Variants in MYO7B observed in about 807,000 individuals in gnomAD.
MYO7B encodes myosin VIIB.
In MYO7B, 212 loss-of-function variants were observed where a neutral mutation model predicts 259.7. That is an observed-to-expected ratio of 0.82 (90% confidence interval 0.73 to 0.91). The LOEUF (loss-of-function observed/expected upper bound fraction) is 0.91. Among genes scored for constraint, MYO7B ranks in the 40% least tolerant of loss-of-function variants. The pLI is 0.00. For synonymous variants in MYO7B, 1,197 were observed against 1,166.4 expected, an observed-to-expected ratio of 1.03 and a Z score of -0.54; for missense variants, 2,732 against 2,813.5, an observed-to-expected ratio of 0.97 and a Z score of 0.66.
In MYO7B at chr2:127,584,768, G is replaced by A; in HGVS notation, c.1555-10G>A. 1 of 1,613,644 alleles carries A rather than the reference G, an allele frequency of 6.2e-7. No individual in the cohort carries two copies. Among genetic ancestry groups the A allele is most frequent in the Non-Finnish European group, 8.5e-7 (1 of 1,179,708 alleles). On this transcript the variant is annotated splice_polypyrimidine_tract_variant and intron_variant, in intron 13 of 47. Transcript: ENST00000409816. This position sits in a 1 kb window ranked among gnomAD's most constrained non-coding sequence, Gnocchi z 5.8. Reference sequence around the variant, plus strand: ...GGACCTCAGCCCACAGGGTGTCTGGGTTCTTCCAGGGGACAGATCTCACCA... The same window carrying A: ...GGACCTCAGCCCACAGGGTGTCTGGATTCTTCCAGGGGACAGATCTCACCA...
At chr2:127,568,853 G>A (rs1295299570) in intron 5 of MYO7B, among the ~76,000 whole-genome samples, 2 of 150,796 alleles carry the variant, frequency 1.3e-5, no homozygotes, top group Non-Finnish European at 2.9e-5. Context: ...AGCTGAGATC[G>A]TGCCATTGCA....
In MYO7B at chr2:127,584,256, G is replaced by C. The variant is rs753106341; in HGVS notation, c.1478G>C (p.Arg493Pro). The change falls in exon 13 of 48, where the codon CGG becomes CCG. Residue 493 changes from arginine to proline, a missense_variant. This residue lies in a region of MYO7B where 1,906 missense variants were observed against 2,026.4 expected (regional missense o/e 0.94). Transcript: ENST00000409816. The surrounding 1 kb of genome is among the most constrained non-coding windows in gnomAD (Gnocchi z 5.8). The stretch of plus-strand genomic sequence containing the variant: ...GACTATATCCACTACACCGACAATC[G>C]GCCCACCCTGGACCTGCTGGCCCTC... ...SWDYIHYTDN[R>P]PTLDLLALKP... 2 of 1,613,954 alleles carry C rather than the reference G, an allele frequency of 1.2e-6. No individual in the cohort carries two copies. The highest frequency in any genetic ancestry group is 2.2e-5 in the South Asian group (2 of 91,076).
At chr2:127,537,226 C>T (rs919083092) in intron 1 of MYO7B, among the ~76,000 whole-genome samples, 11 of 152,148 alleles carry the variant, frequency 7.2e-5, no homozygotes, top group African/African-American at 2.7e-4. Flanking sequence ...AAGGATAGAG[C>T]TGAGGGAACT....
intron 11 of MYO7B, 136 bp from the exon 12 acceptor site, chr2:127,582,168 G>A: frequency 6.8e-7 from 1 of 1,462,440 alleles, no homozygotes; most frequent in Non-Finnish European, 9.2e-7. Context: ...AGCCTCTTGG[G>A]CCCTGGTTTC....
rs1301995893 is a variant in MYO7B at position 127,539,043 on chromosome 2, T to C, written c.-24+3212T>C. On this transcript the variant is annotated intron_variant, in intron 1 of 47. Transcript: ENST00000409816. The surrounding 1 kb of genome is among the most constrained non-coding windows in gnomAD (Gnocchi z 4.0). ...TCAGCACAGTGTCTGTCTGAGCTCC[T>C]ACTCTGTTCTGGGGGCTGGGGGCAG... 6.6e-6 allele frequency among the ~76,000 whole-genome samples: 1 copy of C among 152,210 alleles called. No individual in the cohort carries two copies. Among genetic ancestry groups the C allele is most frequent in the Non-Finnish European group, 1.5e-5 (1 of 68,036 alleles).
Position 127,630,885 on chromosome 2 carries a change from G to C in MYO7B, c.4914G>C (p.Glu1638Asp). The C allele has an allele frequency of 6.3e-7, 1 of 1,597,358 alleles. No homozygotes were observed. The highest frequency in any genetic ancestry group is 8.5e-7 in the Non-Finnish European group (1 of 1,172,066). ...CCAAGGAAAAGCTGCACACCCTGGA[G>C]GAGTTCTCCTATGAGTTCTTCAGGT... ...EPPKEKLHTLEEFSYEFFRAP... is the reference protein window; with the variant it reads ...EPPKEKLHTLDEFSYEFFRAP... The change falls in exon 36 of 48, where the codon GAG becomes GAC. Residue 1638 changes from glutamate to aspartate, a missense_variant. Transcript: ENST00000409816.
At position 127,609,374 on chromosome 2, in the gene MYO7B, G is replaced by T; in HGVS notation, c.2815-132G>T. ...CTGAGCCCACTGAATGTGGGGATGGGTGGTCTCCAGCACCTGAGGGATCAG... is the reference window on the plus strand; with the variant it reads ...CTGAGCCCACTGAATGTGGGGATGGTTGGTCTCCAGCACCTGAGGGATCAG... On this transcript the variant is annotated intron_variant, in intron 22 of 47. Transcript: ENST00000409816. This position sits in a 1 kb window ranked among gnomAD's most constrained non-coding sequence, Gnocchi z 6.9. 6.3e-6 allele frequency: 5 copies of T among 790,614 alleles called. No individual in the cohort carries two copies. The South Asian group carries it at 8.6e-5, about 14-fold the overall frequency. The allele number at this position is 790,614 out of a possible 1,614,324, so 49.0% of individuals were successfully genotyped here.
intron 5 of MYO7B, among the ~76,000 whole-genome samples, chr2:127,567,726 C>A (rs189430019): frequency 6.6e-6 from 1 of 152,194 alleles, no homozygotes; most frequent in Non-Finnish European, 1.5e-5. Flanking sequence ...CAACTGAGTG[C>A]CCCCAACTGT....
intron 31 of MYO7B, 158 bp from the exon 32 acceptor site, chr2:127,626,817 G>A: frequency 3.1e-6 from 2 of 648,224 alleles, no homozygotes; most frequent in Non-Finnish European, 2.7e-6. Flanking sequence ...ACCAGTCCCT[G>A]GGGACGTCCC....
At chr2:127,567,784 C>T (rs1678418735) in intron 5 of MYO7B, among the ~76,000 whole-genome samples, 1 of 152,190 alleles carries the variant, frequency 6.6e-6, no homozygotes, top group Admixed American at 6.5e-5. Flanking sequence ...GAATCCCTTC[C>T]TCAGGGAGCT....
intron 28 of MYO7B, 142 bp downstream of exon 28, chr2:127,622,243 G>C (rs1680874774): frequency 8.2e-7 from 1 of 1,215,362 alleles, no homozygotes. Flanking sequence ...TACCTCCCAT[G>C]CCAGTGGTCC....
At chr2:127,543,911 A>AT (rs1338031710) in intron 1 of MYO7B, among the ~76,000 whole-genome samples, 2 of 151,650 alleles carry the variant, frequency 1.3e-5, no homozygotes, top group Admixed American at 6.6e-5. Context: ...CACCCGGCTC[A>AT]TTTTTTTGTA....
At position 127,612,581 on chromosome 2, in the gene MYO7B, G is replaced by A. The variant is rs534630323; in HGVS notation, c.3376G>A (p.Ala1126Thr). Residue 1126 changes from alanine to threonine, a missense_variant, in exon 26 of 48, where the codon GCC becomes ACC. Coordinates refer to ENST00000409816, the MANE Select transcript of MYO7B (RefSeq NM_001393586.1). ...LEKVHFIVGY[A>T]ILRPSLRDEI... is the part of the protein sequence containing the mutation. The stretch of plus-strand genomic sequence containing the variant: ...GAAGGTGCACTTCATCGTGGGCTAC[G>A]CCATCCTGCGGCCCAGCCTCAGGTC... 31 of 1,608,886 alleles carry A rather than the reference G, an allele frequency of 1.9e-5. No homozygotes were observed. Among genetic ancestry groups the A allele is most frequent in the East Asian group, 4.5e-5 (2 of 44,650 alleles).
At chr2:127,626,940 AG>A in intron 31 of MYO7B, 34 bp from the exon 32 acceptor site, 5 of 1,559,264 alleles carry the variant, frequency 3.2e-6, no homozygotes, top group Non-Finnish European at 4.4e-6. Context: ...TAGGGAAGGC[AG>A]GTGACGGAGG....
At position 127,608,847 on chromosome 2, in the gene MYO7B, G is replaced by T; in HGVS notation, c.2783G>T (p.Gly928Val). ...VFGFLPAMIG[G>V]QEGQASPHFE... ...GGCTTCCTCCCTGCCATGATTGGGG[G>T]CCAGGAGGGCCAGGCCTCGCCGCAC... is the stretch of plus-strand genomic sequence containing the variant. The change falls in exon 22 of 48, where the codon GGC becomes GTC. Residue 928 changes from glycine to valine, a missense_variant. Coordinates refer to ENST00000409816, the MANE Select transcript of MYO7B (RefSeq NM_001393586.1). The T allele has an allele frequency of 6.2e-7, 1 of 1,613,274 alleles. No homozygotes were observed. Among genetic ancestry groups the T allele is most frequent in the Non-Finnish European group, 8.5e-7 (1 of 1,179,768 alleles).
At chr2:127,550,895 T>C (rs1693420311) in intron 1 of MYO7B, among the ~76,000 whole-genome samples, 1 of 152,106 alleles carries the variant, frequency 6.6e-6, no homozygotes, top group Admixed American at 6.6e-5. Context: ...TAGTCACTCA[T>C]TGCTGCATAA....
In MYO7B at chr2:127,547,667, A is replaced by T. The variant is rs551600875; in HGVS notation, c.-24+11836A>T. ...GATCACTTGATTGGTGTGATGGAGG[A>T]TGATTGTTCTGAGAGTCCAGCAGCA... On this transcript the variant is annotated intron_variant, in intron 1 of 47. Coordinates refer to ENST00000409816, the MANE Select transcript of MYO7B (RefSeq NM_001393586.1). Among the ~76,000 whole-genome samples, 131 of 152,194 alleles carry T rather than the reference A, an allele frequency of 8.6e-4. 1 individual carries two copies. Among genetic ancestry groups the T allele is most frequent in the African/African-American group, 3.0e-3 (126 of 41,514 alleles).
At chr2:127,601,382 G>A (rs1679958792) in intron 19 of MYO7B, among the ~76,000 whole-genome samples, 1 of 152,186 alleles carries the variant, frequency 6.6e-6, no homozygotes, top group South Asian at 2.1e-4. Flanking sequence ...CTGATTTTCT[G>A]TCTATGTGTT....
Position 127,576,589 on chromosome 2 carries a change from T to G in MYO7B, c.736-6T>G. On this transcript the variant is annotated splice_polypyrimidine_tract_variant and splice_region_variant and intron_variant, in intron 7 of 47. Coordinates refer to ENST00000409816, the MANE Select transcript of MYO7B (RefSeq NM_001393586.1). This position sits in a 1 kb window ranked among gnomAD's most constrained non-coding sequence, Gnocchi z 4.9. ...ATCTGTCTGGAATGCCCTCCCTCCC[T>G]CCCAGGCTCCCGAGGAGCGGAACTA... 1 of 871,110 alleles carries G rather than the reference T, an allele frequency of 1.1e-6. No individual in the cohort carries two copies. The highest frequency in any genetic ancestry group is 1.8e-6 in the Non-Finnish European group (1 of 547,534). 54.0% of individuals were successfully genotyped at this position (871,110 alleles called of 1,614,324 possible).
Sources: gnomAD v4.1 joint callset for allele counts (sites outside exome capture counted in the v4.1 genomes callset) on GRCh38, gnomAD v4.1.1 for gene constraint, gnomAD v4.1.1 regional missense constraint, Gnocchi (gnomAD v3.1) non-coding constraint, MANE v1.5 for transcripts, NCBI Gene and HGNC (gene_info 2026-07-23, HGNC 2026-07-21) for gene names.